The following ELMO1 variants were observed in gnomAD, a reference collection of about 807,000 sequenced individuals.
The protein encoded by ELMO1 is engulfment and cell motility 1.
In ELMO1, 26 loss-of-function variants were observed where a neutral mutation model predicts 98.9. The observed-to-expected ratio is 0.26, with a 90% CI of 0.19 to 0.36. The LOEUF (loss-of-function observed/expected upper bound fraction) is 0.36, where lower values mean the gene tolerates loss of function less well. Among genes scored for constraint, ELMO1 ranks in the 10% least tolerant of loss-of-function variants. The pLI is 1.00. For synonymous variants in ELMO1, 346 were observed against 346.0 expected (o/e 1.00, Z 0.00); for missense variants, 627 against 935.2 (o/e 0.67, Z 4.30).
intron 18 of ELMO1, among the ~76,000 whole-genome samples, chr7:36,886,765 C>T (rs1584311324): frequency 6.6e-6 from 1 of 152,296 alleles, no homozygotes; most frequent in East Asian, 1.9e-4. Context: ...AGACATGTTT[C>T]CCACCTGTTG....
intron 7 of ELMO1, among the ~76,000 whole-genome samples, chr7:37,239,487 A>G (rs1196266591): frequency 2.6e-5 from 4 of 152,214 alleles, no homozygotes; most frequent in South Asian, 4.2e-4. Flanking sequence ...TTTAATAACT[A>G]TGGGCGTCCA....
intron 14 of ELMO1, among the ~76,000 whole-genome samples, chr7:37,118,874 A>G (rs1785790320): frequency 6.6e-6 from 1 of 152,192 alleles, no homozygotes; most frequent in South Asian, 2.1e-4. Context: ...GTGAAGCAAA[A>G]CACATCTGTA....
chr7:37,214,002 G>C (rs1041540213), intron 11 of ELMO1, among the ~76,000 whole-genome samples: 2 of 152,156 alleles, frequency 1.3e-5, no homozygotes, highest in Admixed American at 6.5e-5. Flanking sequence ...CAAAAGCAGA[G>C]AGCAAATGCT....
Position 37,248,804 on chromosome 7 carries a change from C to T in ELMO1, c.414-4413G>A, listed in dbSNP as rs191097578. Among the ~76,000 whole-genome samples, 265 of 152,350 alleles carry T rather than the reference C, an allele frequency of 1.7e-3. 2 individuals are homozygous for T. In the South Asian group the frequency reaches 0.018, roughly 10 times the overall value. The stretch of plus-strand genomic sequence containing the variant: ...TTGGCCTGCACTGGACCTCCCAGAA[C>T]AGCCAAGACTTCTAAGAGACACCAA... On this transcript the variant is annotated intron_variant, in intron 6 of 21. Coordinates refer to ENST00000310758, the MANE Select transcript of ELMO1 (RefSeq NM_014800.11).
At chr7:37,277,749 A>T (rs1796922071) in intron 4 of ELMO1, among the ~76,000 whole-genome samples, 1 of 152,198 alleles carries the variant, frequency 6.6e-6, no homozygotes, top group Non-Finnish European at 1.5e-5. Context: ...CTGAGAATAG[A>T]AACCATCTCC....
At chr7:37,079,176 T>C (rs1584610705) in intron 15 of ELMO1, among the ~76,000 whole-genome samples, 2 of 152,206 alleles carry the variant, frequency 1.3e-5, no homozygotes, top group East Asian at 3.8e-4. Flanking sequence ...CCCAGGAGCA[T>C]ATAAACATGC....
chr7:37,079,403 C>G (rs1797744465), intron 15 of ELMO1, among the ~76,000 whole-genome samples: 1 of 152,198 alleles, frequency 6.6e-6, no homozygotes, highest in African/African-American at 2.4e-5. Context: ...AAATTAACCA[C>G]TAGAAAAAGG....
intron 14 of ELMO1, among the ~76,000 whole-genome samples, chr7:37,118,309 G>A (rs1223529040): frequency 5.3e-5 from 8 of 152,178 alleles, no homozygotes; most frequent in Non-Finnish European, 1.0e-4. Flanking sequence ...GAGGGCTGAT[G>A]ATGCTCAGAG....
intron 13 of ELMO1, among the ~76,000 whole-genome samples, chr7:37,142,729 T>G (rs1318779692): frequency 6.6e-6 from 1 of 152,168 alleles, no homozygotes. Context: ...GAGCCAAATG[T>G]AAAAGAGAAA....
intron 1 of ELMO1, among the ~76,000 whole-genome samples, chr7:37,410,715 A>G (rs74963229): frequency 0.075 from 11,414 of 152,312 alleles, 597 homozygotes; most frequent in Admixed American, 0.096. Flanking sequence ...AGGGCCCATC[A>G]TAGAGCCTGC....
At chr7:36,948,772 C>A (rs1033152839) in intron 16 of ELMO1, among the ~76,000 whole-genome samples, 1 of 152,326 alleles carries the variant, frequency 6.6e-6, no homozygotes, top group South Asian at 2.1e-4. Flanking sequence ...TACATCAAGA[C>A]GCAAAAGGGA....
chr7:37,206,198 A>G (rs1792608190), intron 13 of ELMO1, among the ~76,000 whole-genome samples: 1 of 152,242 alleles, frequency 6.6e-6, no homozygotes, highest in African/African-American at 2.4e-5. Flanking sequence ...TGTAGCAAGC[A>G]CTGCTCTGAA....
intron 4 of ELMO1, among the ~76,000 whole-genome samples, chr7:37,284,589 T>C (rs1797298164): frequency 6.6e-6 from 1 of 152,016 alleles, no homozygotes; most frequent in Non-Finnish European, 1.5e-5. Context: ...GGTTAAGGAG[T>C]AACAAGTTCT....
chr7:37,063,311 G>T (rs940791924), intron 15 of ELMO1, among the ~76,000 whole-genome samples: 9 of 152,138 alleles, frequency 5.9e-5, no homozygotes, highest in African/African-American at 1.9e-4. Flanking sequence ...GCAGCTTTTG[G>T]TGACTAGCTA....
intron 1 of ELMO1, among the ~76,000 whole-genome samples, chr7:37,430,123 T>C (rs1012960101): frequency 6.6e-6 from 1 of 152,210 alleles, no homozygotes; most frequent in Non-Finnish European, 1.5e-5. Flanking sequence ...GCCCCAAAAA[T>C]AGGGCTCTGG....
chr7:37,086,238 T>C (rs1334667462), intron 15 of ELMO1, among the ~76,000 whole-genome samples: 4 of 152,186 alleles, frequency 2.6e-5, no homozygotes, highest in African/African-American at 7.2e-5. Flanking sequence ...TTAGAACTGA[T>C]TTTAAATACT....
At chr7:37,002,471 GA>G (rs1212608395) in intron 16 of ELMO1, among the ~76,000 whole-genome samples, 2 of 152,206 alleles carry the variant, frequency 1.3e-5, no homozygotes, top group African/African-American at 4.8e-5. Flanking sequence ...AGGCAATGAT[GA>G]AAAGGTAAAG....
intron 13 of ELMO1, among the ~76,000 whole-genome samples, chr7:37,170,036 C>T (rs557353355): frequency 7.9e-5 from 12 of 152,072 alleles, no homozygotes; most frequent in East Asian, 3.9e-4. Context: ...CGAGTAGCTG[C>T]GATTATAAGC....
chr7:37,125,670 G>A (rs533219744), intron 14 of ELMO1, among the ~76,000 whole-genome samples: 1 of 152,356 alleles, frequency 6.6e-6, no homozygotes, highest in East Asian at 1.9e-4. Flanking sequence ...AGGATGTGGA[G>A]AAACAGGAAC....
Sources: allele counts gnomAD v4.1 joint callset (sites outside exome capture counted in the v4.1 genomes callset), GRCh38; gene constraint gnomAD v4.1.1; transcripts MANE v1.5; gene names NCBI Gene and HGNC (gene_info 2026-07-23, HGNC 2026-07-21).